Variants in GEMIN8 observed in about 807,000 individuals in gnomAD.
The protein encoded by GEMIN8 is gem nuclear organelle associated protein 8.
For synonymous variants in GEMIN8, 80 were observed against 78.5 expected, an observed-to-expected ratio of 1.02 and a Z score of -0.10; for missense variants, 185 against 205.9, an observed-to-expected ratio of 0.90 and a Z score of 0.62.
At chrX:13,999,731 G>A in the GEMIN8 span, among the ~76,000 whole-genome samples, 1 of 111,651 alleles carries the variant, frequency 9.0e-6, no homozygotes, top group Non-Finnish European at 1.9e-5. Flanking sequence ...GACTCATACT[G>A]GTCAGGTATT....
the GEMIN8 span, among the ~76,000 whole-genome samples, chrX:14,000,552 G>A: frequency 9.4e-6 from 1 of 106,460 alleles, no homozygotes; most frequent in South Asian, 4.3e-4. Flanking sequence ...AGCCCAGATC[G>A]TGCCACTGCA....
At chrX:14,002,329 TGATAGATAGATAGATA>T (rs58599457), downstream of GEMIN8, among the ~76,000 whole-genome samples, 373 of 99,549 alleles carry the variant, frequency 3.7e-3, 3 homozygotes, top group African/African-American at 0.013. Flanking sequence ...GATAGATAGG[TGATAGATAGATAGATA>T]GATAGATAGA....
Position 14,008,817 on chromosome X carries a change from A to G in GEMIN8, c.*96T>C, listed in dbSNP as rs904978535. 3 of 897,981 alleles carry G rather than the reference A, an allele frequency of 3.3e-6. No individual in the cohort carries two copies. Among genetic ancestry groups the G allele is most frequent in the Non-Finnish European group, 4.8e-6 (3 of 630,685 alleles). 74.0% of individuals were successfully genotyped at this position (897,981 alleles called of 1,213,427 possible). On this transcript the variant is annotated 3_prime_UTR_variant, in exon 5 of 5. Coordinates refer to ENST00000680255, the MANE Select transcript of GEMIN8 (RefSeq NM_001042479.2). ...GTGGTGAACATGCCTGTACCCCAGT[A>G]CAAAGTCCCCTTTCCCTAAGAAATG...
the GEMIN8 span, among the ~76,000 whole-genome samples, chrX:13,993,257 A>G: frequency 1.8e-5 from 2 of 110,625 alleles, no homozygotes; most frequent in Non-Finnish European, 1.9e-5. Flanking sequence ...CCATGCTTCT[A>G]TGTCATCACT....
intron 4 of GEMIN8, chrX:14,013,918 T>C: frequency 1.4e-6 from 1 of 717,803 alleles, no homozygotes; most frequent in Non-Finnish European, 1.6e-6. Flanking sequence ...GGAAAAGCTT[T>C]ACTGGATTCC....
intron 4 of GEMIN8, among the ~76,000 whole-genome samples, chrX:14,017,128 T>A (rs143966284): frequency 0.017 from 1,850 of 109,422 alleles, 21 homozygotes; most frequent in Non-Finnish European, 0.026. Context: ...CTAATTAGGA[T>A]CCTATTTCAT....
the GEMIN8 span, among the ~76,000 whole-genome samples, chrX:13,997,176 G>C: frequency 1.4e-4 from 16 of 110,576 alleles, no homozygotes; most frequent in African/African-American, 5.3e-4. Flanking sequence ...TCCTGAACTC[G>C]TGATCTGCCC....
intron 4 of GEMIN8, chrX:14,013,878 A>G: frequency 1.6e-6 from 1 of 616,987 alleles, no homozygotes. Flanking sequence ...CATATAGGTT[A>G]AAACAAGAAC....
At chrX:14,002,333 A>AGAT (rs752534289), downstream of GEMIN8, among the ~76,000 whole-genome samples, 1 of 52,990 alleles carries the variant, frequency 1.9e-5, no homozygotes, top group African/African-American at 1.3e-4. Context: ...GATAGGTGAT[A>AGAT]GATAGATAGA....
chrX:14,015,130 G>A (rs182935771), intron 4 of GEMIN8, among the ~76,000 whole-genome samples: 138 of 111,662 alleles, frequency 1.2e-3, no homozygotes, highest in African/African-American at 4.2e-3. Context: ...ATAAATACCT[G>A]ATTGGCTCAA....
the GEMIN8 span, among the ~76,000 whole-genome samples, chrX:13,994,152 G>A: frequency 8.9e-6 from 1 of 111,963 alleles, no homozygotes; most frequent in Non-Finnish European, 1.9e-5. Flanking sequence ...CAGCGATTCT[G>A]CTTTAATTGG....
the GEMIN8 span, among the ~76,000 whole-genome samples, chrX:13,996,553 C>T: frequency 1.8e-5 from 2 of 111,299 alleles, no homozygotes; most frequent in African/African-American, 3.3e-5. Context: ...GGGTCCCTCC[C>T]GCAACACATG....
intron 3 of GEMIN8, 37 bp downstream of exon 3, chrX:14,021,427 C>T (rs369742780): frequency 2.1e-5 from 17 of 812,781 alleles, no homozygotes; most frequent in Non-Finnish European, 2.7e-5. Context: ...TTTTTACTTA[C>T]GAGCTCAAAA....
intron 3 of GEMIN8, among the ~76,000 whole-genome samples, chrX:14,021,058 T>G: frequency 9.0e-6 from 1 of 111,245 alleles, no homozygotes; most frequent in East Asian, 2.8e-4. Context: ...ATAGTGCTTT[T>G]ACTTTTGTAT....
At position 14,020,373 on chromosome X, in the gene GEMIN8, C is replaced by G; in HGVS notation, c.177G>C (p.Ala59=). 1 of 1,210,899 alleles carries G rather than the reference C, an allele frequency of 8.3e-7. No homozygotes were observed. The highest frequency in any genetic ancestry group is 1.1e-6 in the Non-Finnish European group (1 of 894,713). The change falls in exon 4 of 5, where the codon GCG becomes GCC. Residue 59 remains alanine, a synonymous_variant. Coordinates refer to ENST00000680255, the MANE Select transcript of GEMIN8 (RefSeq NM_001042479.2). The part of the protein sequence containing the change: ...CFNLPWYLPS[A]LLPQSSYDNE... ...TATCGTAAGAGCTTTGGGGAAGAAG[C>G]GCAGAAGGTAAGTACCATGGAAGAT...
At chrX:14,012,766 G>C (rs1923644582) in intron 4 of GEMIN8, among the ~76,000 whole-genome samples, 1 of 111,245 alleles carries the variant, frequency 9.0e-6, no homozygotes, top group African/African-American at 3.3e-5. Context: ...GACAACTCGG[G>C]GATTGAGAAA....
chrX:14,001,872 C>T (rs775721849), downstream of GEMIN8, among the ~76,000 whole-genome samples: 5 of 106,132 alleles, frequency 4.7e-5, no homozygotes, highest in Non-Finnish European at 7.8e-5. Context: ...CCTGTAATCC[C>T]AGCACTTTGG....
rs1402953618 is a variant in GEMIN8 at position 14,009,162 on chromosome X, C to A, written c.480G>T (p.Gln160His). The change falls in exon 5 of 5, where the codon CAG becomes CAT. Residue 160 changes from glutamine (Q) to histidine (H), a missense_variant. Transcript: ENST00000680255. Reference protein sequence around the residue: ...TERHREERRRQQQLDAERLDS... With the variant: ...TERHREERRRHQQLDAERLDS... ...CCAGGCGCTCTGCATCCAGCTGCTGCTGCCGCCCTGAGAACAAACACGAAC... is the reference window on the plus strand; with the variant it reads ...CCAGGCGCTCTGCATCCAGCTGCTGATGCCGCCCTGAGAACAAACACGAAC... The A allele has an allele frequency of 8.3e-7, 1 of 1,209,636 alleles. No homozygotes were observed. Among genetic ancestry groups the A allele is most frequent in the Admixed American group, 2.2e-5 (1 of 45,852 alleles).
rs1003677679 is a variant in GEMIN8 at position 14,021,828 on chromosome X, A to G, written c.-33-317T>C. Among the ~76,000 whole-genome samples the G allele has an allele frequency of 3.0e-4, 15 of 50,051 alleles. 1 individual carries two copies. The highest frequency in any genetic ancestry group is 1.3e-3 in the African/African-American group (15 of 11,381). 43.5% of individuals were successfully genotyped at this position (50,051 alleles called of 115,157 possible). A position where few individuals can be genotyped will look rare whatever the true frequency, so the allele number is the denominator to read the frequency against. On this transcript the variant is annotated intron_variant, in intron 2 of 4. Transcript: ENST00000680255. ...TTAATGTGTGTGTATATATATATAT[A>G]TATATATATATATATAGTATATATA...
Sources: gnomAD v4.1 joint callset for allele counts (sites outside exome capture counted in the v4.1 genomes callset) on GRCh38, gnomAD v4.1.1 for gene constraint, MANE v1.5 for transcripts, NCBI Gene and HGNC (gene_info 2026-07-23, HGNC 2026-07-21) for gene names.